Variants in ST13 observed in about 807,000 individuals in gnomAD.
ST13 encodes the protein hsc70-interacting protein.
A neutral mutation model predicts 56.7 loss-of-function variants in ST13; 23 were observed. That is an observed-to-expected ratio of 0.41 (90% CI 0.29 to 0.57). ST13 has a LOEUF of 0.57. Among genes scored for constraint, ST13 ranks in the 20% least tolerant of loss-of-function variants. The pLI is 0.36. For synonymous variants in ST13, 132 were observed against 142.4 expected, an observed-to-expected ratio of 0.93 and a Z score of 0.52; for missense variants, 369 against 459.9, an observed-to-expected ratio of 0.80 and a Z score of 1.81.
intron 5 of ST13, among the ~76,000 whole-genome samples, chr22:40,837,164 A>G (rs1669400616): frequency 6.6e-6 from 1 of 152,266 alleles, no homozygotes; most frequent in Admixed American, 6.5e-5. Flanking sequence ...TTAGCCAGTT[A>G]GCGAATGAGT....
chr22:40,827,611 G>C (rs1228747289), intron 10 of ST13, among the ~76,000 whole-genome samples: 1 of 152,044 alleles, frequency 6.6e-6, no homozygotes, highest in South Asian at 2.1e-4. Flanking sequence ...CTGAGTAGTT[G>C]AGACTACAGG....
At position 40,826,509 on chromosome 22, in the gene ST13, C is replaced by T; in HGVS notation, c.*29G>A. The T allele has an allele frequency of 6.3e-7, 1 of 1,595,160 alleles. No individual in the cohort carries two copies. The highest frequency in any genetic ancestry group is 8.5e-7 in the Non-Finnish European group (1 of 1,178,538). ...AAGGTGATCTAGGTTGCTTTTCCTT[C>T]AGCAAGGGCTTTATTTATCAGAAGG... On this transcript the variant is annotated 3_prime_UTR_variant, in exon 12 of 12. Transcript: ENST00000216218.
chr22:40,841,742 C>T (rs919323754), intron 4 of ST13, among the ~76,000 whole-genome samples: 2 of 148,482 alleles, frequency 1.3e-5, no homozygotes, highest in Non-Finnish European at 3.0e-5. Context: ...TACATGCTCG[C>T]AACCTACTAA....
chr22:40,839,003 A>G (rs1381223510), intron 5 of ST13, among the ~76,000 whole-genome samples: 1 of 152,178 alleles, frequency 6.6e-6, no homozygotes, highest in Non-Finnish European at 1.5e-5. Context: ...TGGCAGGTCT[A>G]TAATCCTCTG....
At chr22:40,856,283 T>C (rs886596061) in intron 1 of ST13, 148 bp downstream of exon 1, 9 of 697,108 alleles carry the variant, frequency 1.3e-5, no homozygotes, top group Non-Finnish European at 2.3e-5. Flanking sequence ...CTCGCGATCT[T>C]CCATGACCCC....
chr22:40,856,313 C>T, intron 1 of ST13, 118 bp downstream of exon 1: 1 of 875,650 alleles, frequency 1.1e-6, no homozygotes, highest in African/African-American at 1.7e-5. Context: ...CCTCCCTTTC[C>T]CGGGCAAAGA....
At chr22:40,849,043 T>A (rs975012439) in intron 2 of ST13, among the ~76,000 whole-genome samples, 3 of 152,214 alleles carry the variant, frequency 2.0e-5, no homozygotes, top group African/African-American at 7.2e-5. Flanking sequence ...TCTCTATATA[T>A]GAAACAACTC....
chr22:40,840,719 G>C (rs762055408), intron 4 of ST13, 27 bp from the exon 5 acceptor site: 9 of 1,584,680 alleles, frequency 5.7e-6, no homozygotes, highest in African/African-American at 2.7e-5. Flanking sequence ...AATCATCTTA[G>C]AATTAGTAGA....
At chr22:40,835,089 A>C (rs2057771104) in intron 7 of ST13, among the ~76,000 whole-genome samples, 1 of 152,194 alleles carries the variant, frequency 6.6e-6, no homozygotes, top group African/African-American at 2.4e-5. Context: ...CTAATTTTTC[A>C]GGTGGCCTAG....
chr22:40,832,809 A>T, intron 7 of ST13, 138 bp from the exon 8 acceptor site: 1 of 641,376 alleles, frequency 1.6e-6, no homozygotes, highest in Non-Finnish European at 2.7e-6. Context: ...TCACTAACCA[A>T]TTCAATTACT....
intron 4 of ST13, among the ~76,000 whole-genome samples, chr22:40,843,400 G>A (rs892211064): frequency 2.0e-5 from 3 of 152,062 alleles, no homozygotes; most frequent in Non-Finnish European, 1.5e-5. Context: ...GGGGGTCCTT[G>A]TTCTACAAAA....
At chr22:40,847,239 T>C (rs2057836525) in intron 3 of ST13, among the ~76,000 whole-genome samples, 2 of 151,114 alleles carry the variant, frequency 1.3e-5, no homozygotes, top group African/African-American at 4.9e-5. Flanking sequence ...AATTCAGTTA[T>C]GGGAAAACTT....
At position 40,826,617 on chromosome 22, in the gene ST13, T is replaced by C. The variant is rs766033871; in HGVS notation, c.1031A>G (p.Asn344Ser). The change falls in exon 12 of 12, where the codon AAT becomes AGT. Residue 344 changes from asparagine (N) to serine (S), a missense_variant. Physicochemically the swap from Asn to Ser is conservative, Grantham distance 46. Coordinates refer to ENST00000216218, the MANE Select transcript of ST13 (RefSeq NM_003932.5). ...AFQDVAQNPA[N>S]MSKYQSNPKV... ...TGGGTTGCTCTGGTATTTTGACATA[T>C]TTGCTGGGTTCTGAGCCACATCCTG... 96 of 1,606,888 alleles carry C rather than the reference T, an allele frequency of 6.0e-5. No homozygotes were observed. Among genetic ancestry groups the C allele is most frequent in the Non-Finnish European group, 7.9e-5 (93 of 1,179,778 alleles).
chr22:40,834,535 AT>A (rs1208701861), intron 7 of ST13, among the ~76,000 whole-genome samples: 3 of 152,292 alleles, frequency 2.0e-5, no homozygotes, highest in South Asian at 2.1e-4. Flanking sequence ...AATTTCAAGA[AT>A]TTTTTCCCTA....
rs942669218 is a variant in ST13 at position 40,826,195 on chromosome 22, A to T, written c.*343T>A. The T allele has an allele frequency of 5.8e-6, 1 of 171,330 alleles. No homozygotes were observed. Among genetic ancestry groups the T allele is most frequent in the South Asian group, 1.7e-4 (1 of 6,008 alleles). 10.6% of individuals were successfully genotyped at this position (171,330 alleles called of 1,614,324 possible). A position where few individuals can be genotyped will look rare whatever the true frequency, so the allele number is the denominator to read the frequency against. On this transcript the variant is annotated 3_prime_UTR_variant, in exon 12 of 12. Coordinates refer to ENST00000216218, the MANE Select transcript of ST13 (RefSeq NM_003932.5). ...GCAGTAATCTTCCATACATAAGTAT[A>T]TTCCCTGCCAATAATTCAAAGAAAA...
intron 4 of ST13, among the ~76,000 whole-genome samples, chr22:40,841,676 G>A (rs770240660): frequency 1.3e-5 from 2 of 152,046 alleles, no homozygotes; most frequent in Admixed American, 6.6e-5. Flanking sequence ...GTGCAATCAC[G>A]GTTCACTGCA....
intron 1 of ST13, among the ~76,000 whole-genome samples, chr22:40,856,225 G>A (rs538256321): frequency 1.3e-5 from 2 of 152,234 alleles, no homozygotes; most frequent in South Asian, 4.1e-4. Context: ...AGGGTGCGAG[G>A]AACCCAGCTC....
At position 40,826,249 on chromosome 22, in the gene ST13, A is replaced by G. The variant is rs1461629156; in HGVS notation, c.*289T>C. ...TCCAAAATGATTAGTAAAGAAAAAT[A>G]TAAGAATTAACAGGCCCTTTAAATT... is the stretch of plus-strand genomic sequence containing the variant. On this transcript the variant is annotated 3_prime_UTR_variant, in exon 12 of 12. Transcript: ENST00000216218. The G allele has an allele frequency of 9.5e-6, 2 of 211,150 alleles. No homozygotes were observed. Among genetic ancestry groups the G allele is most frequent in the Non-Finnish European group, 9.4e-6 (1 of 106,396 alleles). The allele number at this position is 211,150 out of a possible 1,614,324, so 13.1% of individuals were successfully genotyped here. A position where few individuals can be genotyped will look rare whatever the true frequency, so the allele number is the denominator to read the frequency against.
intron 2 of ST13, among the ~76,000 whole-genome samples, chr22:40,849,591 A>G (rs2057850950): frequency 6.6e-6 from 1 of 152,208 alleles, no homozygotes; most frequent in East Asian, 1.9e-4. Flanking sequence ...ATATATTGAA[A>G]AGAAAAGACA....
Sources: allele counts gnomAD v4.1 joint callset (sites outside exome capture counted in the v4.1 genomes callset), GRCh38; gene constraint gnomAD v4.1.1; transcripts MANE v1.5; gene names NCBI Gene and HGNC (gene_info 2026-07-23, HGNC 2026-07-21).